The following PDE4D variants were observed in gnomAD, a reference collection of about 807,000 sequenced individuals.
PDE4D encodes the protein phosphodiesterase 4D.
Under a neutral mutation model 87.4 loss-of-function variants are expected in PDE4D, and 24 were observed. That is an observed-to-expected ratio of 0.27 (90% confidence interval 0.20 to 0.39). The LOEUF is 0.39. Among genes scored for constraint, PDE4D ranks in the 10% least tolerant of loss-of-function variants. The probability of loss-of-function intolerance (pLI) is 1.00; values close to 1 mark genes in which losing one functional copy is unlikely to be tolerated. For missense variants in PDE4D, 714 were observed against 1,041.0 expected, an observed-to-expected ratio of 0.69 and a Z score of 4.32; for synonymous variants, 384 against 383.2, an observed-to-expected ratio of 1.00 and a Z score of -0.02.
At chr5:58,993,034 C>G (rs2153344157) in intron 7 of PDE4D, among the ~76,000 whole-genome samples, 1 of 152,094 alleles carries the variant, frequency 6.6e-6, no homozygotes, top group East Asian at 1.9e-4. Flanking sequence ...CACCTATTGC[C>G]CAACAATGGC....
At chr5:60,319,283 C>T (rs998752036) in intron 1 of PDE4D, among the ~76,000 whole-genome samples, 1 of 152,228 alleles carries the variant, frequency 6.6e-6, no homozygotes, top group Non-Finnish European at 1.5e-5. Flanking sequence ...AAATCGGCTA[C>T]TGAGGCTTGT....
rs547461773 is a variant in PDE4D, at chr5:59,674,530, G to C, written c.455+218638C>G. 2.0e-5 allele frequency among the ~76,000 whole-genome samples: 3 copies of C among 152,222 alleles called. No individual in the cohort carries two copies. The South Asian group carries it at 6.2e-4, about 32-fold the overall frequency. ...ACAGCTTTTCACTTTTCTATTGTAT[G>C]ATTCTCTGCTCCTTTTCTGAGATAC... is the stretch of plus-strand genomic sequence containing the variant. On this transcript the variant is annotated intron_variant, in intron 1 of 14. Transcript: ENST00000340635.
At chr5:59,077,810 C>T (rs78885979) in intron 5 of PDE4D, among the ~76,000 whole-genome samples, 1,714 of 152,228 alleles carry the variant, frequency 0.011, 38 homozygotes, top group African/African-American at 0.039. Context: ...CACTCCAAGA[C>T]AGCAACCTTC....
At chr5:60,509,564 C>T (rs1190026712) in intron 1 of PDE4D, among the ~76,000 whole-genome samples, 1 of 152,130 alleles carries the variant, frequency 6.6e-6, no homozygotes, top group Admixed American at 6.5e-5. Context: ...CTGAGTTCCC[C>T]CTCCAATGCT....
chr5:60,439,401 TAC>T (rs548169249), intron 1 of PDE4D, among the ~76,000 whole-genome samples: 2 of 152,104 alleles, frequency 1.3e-5, no homozygotes, highest in South Asian at 2.1e-4. Context: ...GCTATCCTCC[TAC>T]ACCTCAGTGA....
intron 1 of PDE4D, among the ~76,000 whole-genome samples, chr5:59,828,546 G>A (rs1049892208): frequency 5.9e-5 from 9 of 151,992 alleles, no homozygotes; most frequent in African/African-American, 1.9e-4. Flanking sequence ...TTTGTCCTAC[G>A]AGTCTGCTGC....
At chr5:59,927,226 A>G (rs1255530286) in intron 3 of PDE4D, among the ~76,000 whole-genome samples, 3 of 151,920 alleles carry the variant, frequency 2.0e-5, no homozygotes, top group African/African-American at 7.3e-5. Flanking sequence ...CATTTCCTCT[A>G]TTTTCTTTCT....
At chr5:60,460,135 C>A in intron 1 of PDE4D, 2 of 1,600,810 alleles carry the variant, frequency 1.2e-6, no homozygotes, top group South Asian at 1.1e-5. Context: ...CTCATGCTGC[C>A]TCTTCCTGCT....
chr5:59,002,495 A>G (rs896709528), intron 6 of PDE4D, among the ~76,000 whole-genome samples: 7 of 152,210 alleles, frequency 4.6e-5, no homozygotes, highest in Non-Finnish European at 1.0e-4. Flanking sequence ...TTGAAAAAAA[A>G]AAAGGTCTGA....
At chr5:59,546,421 A>C (rs543073733) in intron 1 of PDE4D, among the ~76,000 whole-genome samples, 12 of 152,244 alleles carry the variant, frequency 7.9e-5, no homozygotes, top group Middle Eastern at 3.4e-3. Context: ...TGTTAATATT[A>C]TGTGCCTTTT....
intron 2 of PDE4D, among the ~76,000 whole-genome samples, chr5:60,165,528 C>A (rs1782814413): frequency 6.6e-6 from 1 of 151,584 alleles, no homozygotes; most frequent in South Asian, 2.1e-4. Flanking sequence ...TTTAAAATTT[C>A]TTTACTTCTA....
At chr5:59,863,420 G>A (rs952549998) in intron 1 of PDE4D, among the ~76,000 whole-genome samples, 9 of 151,884 alleles carry the variant, frequency 5.9e-5, no homozygotes, top group Non-Finnish European at 1.0e-4. Context: ...CATTTTAGAA[G>A]AAAAATGATT....
In PDE4D at chr5:60,250,314, C is replaced by A. The variant is rs548831046; in HGVS notation, c.-89-64627G>T. Among the ~76,000 whole-genome samples the A allele has an allele frequency of 3.4e-4, 51 of 151,836 alleles. No homozygotes were observed. The South Asian group carries it at 1.0e-2, about 30-fold the overall frequency. ...ATTGTTCCTGTTTTAGGTCCCCAGT[C>A]CCTGATCAAAGATGATATACATCTC... is the stretch of plus-strand genomic sequence containing the variant. On this transcript the variant is annotated intron_variant, in intron 1 of 16. Transcript: ENST00000502484.
intron 3 of PDE4D, among the ~76,000 whole-genome samples, chr5:59,916,573 G>A (rs1312348134): frequency 6.6e-6 from 1 of 152,142 alleles, no homozygotes; most frequent in Non-Finnish European, 1.5e-5. Context: ...AGTCTGACAA[G>A]CCAATGCAAT....
intron 6 of PDE4D, among the ~76,000 whole-genome samples, chr5:59,011,918 C>A (rs1241380579): frequency 6.6e-6 from 1 of 152,154 alleles, no homozygotes; most frequent in Admixed American, 6.5e-5. Context: ...GGTCGGGTTA[C>A]CCACAAAGGG....
At chr5:59,351,261 A>G (rs796408365) in intron 1 of PDE4D, among the ~76,000 whole-genome samples, 22 of 152,288 alleles carry the variant, frequency 1.4e-4, no homozygotes, top group African/African-American at 5.3e-4. Context: ...TTGGCACTGA[A>G]GCTGGGTCTG....
At chr5:59,754,797 ATTTTTTTTTTTTT>A (rs754869518) in intron 1 of PDE4D, among the ~76,000 whole-genome samples, 22 of 96,908 alleles carry the variant, frequency 2.3e-4, no homozygotes, top group Admixed American at 1.1e-3. Context: ...TCCACAGAAC[ATTTTTTTTTTTTT>A]TTTTTTTTTT....
intron 2 of PDE4D, among the ~76,000 whole-genome samples, chr5:60,096,401 T>C (rs1228434900): frequency 2.6e-5 from 4 of 152,124 alleles, no homozygotes; most frequent in Non-Finnish European, 4.4e-5. Context: ...ACCTTATACA[T>C]AATAGAATTT....
intron 1 of PDE4D, chr5:59,586,699 T>TA: frequency 1.0e-6 from 1 of 985,362 alleles, no homozygotes; most frequent in Non-Finnish European, 1.2e-6. Context: ...ATTGTCCTGG[T>TA]AAAATCTAAC....
Sources: allele counts gnomAD v4.1 joint callset (sites outside exome capture counted in the v4.1 genomes callset), GRCh38; gene constraint gnomAD v4.1.1; transcripts MANE v1.5; gene names NCBI Gene and HGNC (gene_info 2026-07-23, HGNC 2026-07-21).